Variants in PTK7 observed in about 807,000 individuals in gnomAD.
PTK7 encodes protein tyrosine kinase 7 (inactive), also known as inactive tyrosine-protein kinase 7.
A neutral mutation model predicts 116.6 loss-of-function variants in PTK7; 39 were observed. That is an observed-to-expected ratio of 0.33 (90% CI 0.26 to 0.44). The LOEUF is 0.44. Among genes scored for constraint, PTK7 ranks in the 20% least tolerant of loss-of-function variants. The pLI, the probability that PTK7 is intolerant of heterozygous loss-of-function variation, is 1.00. For synonymous variants in PTK7, 546 were observed against 563.6 expected (o/e 0.97, Z 0.44); for missense variants, 1,169 against 1,425.6 (o/e 0.82, Z 2.90).
In PTK7 at chr6:43,141,557, G is replaced by T. The variant is rs974903579; in HGVS notation, c.1619-111G>T. On this transcript the variant is annotated intron_variant, in intron 10 of 19. Transcript: ENST00000230419. The surrounding 1 kb of genome is among the most constrained non-coding windows in gnomAD (Gnocchi z 4.9). The stretch of plus-strand genomic sequence containing the variant: ...CTCAGGAGTTTGGACTTTGCCTGTG[G>T]GTGGTCAGGAGCGATGGTGTGTTTT... 2.3e-6 allele frequency: 3 copies of T among 1,317,414 alleles called. No homozygotes were observed. Among genetic ancestry groups the T allele is most frequent in the East Asian group, 2.3e-5 (1 of 42,900 alleles). 81.6% of individuals were successfully genotyped at this position (1,317,414 alleles called of 1,614,324 possible).
At chr6:43,135,130 G>A (rs1440412109) in intron 7 of PTK7, among the ~76,000 whole-genome samples, 2 of 152,188 alleles carry the variant, frequency 1.3e-5, no homozygotes, top group Non-Finnish European at 2.9e-5. Flanking sequence ...GCTTTGATCA[G>A]TCATTCCACA....
intron 1 of PTK7, among the ~76,000 whole-genome samples, chr6:43,084,061 T>C (rs1766521996): frequency 6.6e-6 from 1 of 152,166 alleles, no homozygotes; most frequent in African/African-American, 2.4e-5. Context: ...ATTTGTTAGA[T>C]TATGTTGCTG....
chr6:43,083,890 A>T (rs909810747), intron 1 of PTK7, among the ~76,000 whole-genome samples: 1 of 152,166 alleles, frequency 6.6e-6, no homozygotes, highest in East Asian at 1.9e-4. Flanking sequence ...TAGGGATTGT[A>T]AGTTACATAT....
At chr6:43,144,649 C>A in intron 15 of PTK7, 43 bp downstream of exon 15, 1 of 1,571,426 alleles carries the variant, frequency 6.4e-7, no homozygotes, top group South Asian at 1.2e-5. Context: ...AACTACAAGT[C>A]ACCCGCTGTG....
chr6:43,118,204 G>A (rs1203615996), intron 1 of PTK7, among the ~76,000 whole-genome samples: 3 of 150,886 alleles, frequency 2.0e-5, no homozygotes, highest in African/African-American at 7.3e-5. Flanking sequence ...AGTGTGGCTA[G>A]TGTGACCGAG....
At chr6:43,077,033 C>G in intron 1 of PTK7, 1 of 1,345,312 alleles carries the variant, frequency 7.4e-7, no homozygotes, top group Non-Finnish European at 9.6e-7. Context: ...ACCTGCGGCG[C>G]GCAAAGCGCG....
chr6:43,128,126 G>C (rs1451651579), intron 1 of PTK7, among the ~76,000 whole-genome samples: 4 of 152,170 alleles, frequency 2.6e-5, no homozygotes, highest in African/African-American at 9.7e-5. Context: ...TGGCACCGTC[G>C]AGGGGCATGA....
intron 1 of PTK7, among the ~76,000 whole-genome samples, chr6:43,084,499 G>A (rs923931027): frequency 2.6e-5 from 4 of 152,164 alleles, no homozygotes; most frequent in Admixed American, 2.0e-4. Flanking sequence ...TTAAGTGTGA[G>A]AACCACTGGG....
intron 17 of PTK7, among the ~76,000 whole-genome samples, chr6:43,156,470 T>C (rs1024695788): frequency 1.6e-4 from 25 of 151,860 alleles, no homozygotes; most frequent in African/African-American, 6.0e-4. Flanking sequence ...AAGGCTGGGA[T>C]TGATGGTACA....
At chr6:43,158,701 C>T (rs1771660429) in intron 17 of PTK7, 116 bp from the exon 18 acceptor site, 1 of 1,123,246 alleles carries the variant, frequency 8.9e-7, no homozygotes, top group East Asian at 2.6e-5. Context: ...TGTTGTGCTT[C>T]TGGGCTTCCT....
chr6:43,085,229 C>CTA (rs1299055965), intron 1 of PTK7, among the ~76,000 whole-genome samples: 11 of 152,288 alleles, frequency 7.2e-5, no homozygotes, highest in Non-Finnish European at 1.0e-4. Flanking sequence ...ATGGTTCTTC[C>CTA]CAGAGACTGT....
At chr6:43,133,106 T>C (rs940083978) in intron 7 of PTK7, 2 of 373,614 alleles carry the variant, frequency 5.4e-6, no homozygotes, top group African/African-American at 4.1e-5. Context: ...ATGAAGTAGA[T>C]GAAAATGATT....
chr6:43,077,065 C>T, intron 1 of PTK7: 2 of 1,280,486 alleles, frequency 1.6e-6, no homozygotes, highest in African/African-American at 1.5e-5. Context: ...CCTACGCCGA[C>T]CCGACGTTCC....
chr6:43,122,287 T>G (rs1282689791), intron 1 of PTK7, among the ~76,000 whole-genome samples: 1 of 152,138 alleles, frequency 6.6e-6, no homozygotes, highest in Non-Finnish European at 1.5e-5. Flanking sequence ...ATTCAGGGGT[T>G]GGGGAGGCAC....
intron 17 of PTK7, among the ~76,000 whole-genome samples, chr6:43,157,250 T>TGGA (rs1230645765): frequency 7.0e-6 from 1 of 142,272 alleles, no homozygotes; most frequent in Non-Finnish European, 1.5e-5. Flanking sequence ...TTCCGTTCCT[T>TGGA]GGAGGCAGCC....
chr6:43,131,074 C>CACAG (rs1294899436), intron 5 of PTK7, among the ~76,000 whole-genome samples: 1 of 147,192 alleles, frequency 6.8e-6, no homozygotes, highest in African/African-American at 2.6e-5. Context: ...CACACACACA[C>CACAG]ACACTTTTTA....
At chr6:43,114,050 G>T (rs1768348381) in intron 1 of PTK7, among the ~76,000 whole-genome samples, 1 of 152,094 alleles carries the variant, frequency 6.6e-6, no homozygotes, top group South Asian at 2.1e-4. Flanking sequence ...AGGGCTGCTG[G>T]GGCGGGTGGT....
At chr6:43,160,662 A>G in intron 19 of PTK7, 59 bp from the exon 20 acceptor site, 5 of 1,591,136 alleles carry the variant, frequency 3.1e-6, no homozygotes, top group Non-Finnish European at 4.3e-6. Context: ...AGGTCCACAA[A>G]GTGTTGAACA....
chr6:43,132,109 T>G lies in PTK7; in HGVS notation c.906T>G (p.Ile302Met). The G allele has an allele frequency of 6.2e-7, 1 of 1,614,062 alleles. No individual in the cohort carries two copies. The highest frequency in any genetic ancestry group is 8.5e-7 in the Non-Finnish European group (1 of 1,180,018). The change falls in exon 6 of 20, where the codon ATT becomes ATG. Residue 302 changes from isoleucine to methionine, a missense_variant. Around this residue, in one of 3 missense-constraint regions of PTK7, gnomAD observed 487 missense variants for 549.8 expected, o/e 0.89. Coordinates refer to ENST00000230419, the MANE Select transcript of PTK7 (RefSeq NM_002821.5). The part of the protein sequence containing the change: ...RPRNAGIYRC[I>M]GQGQRGPPII... The stretch of plus-strand genomic sequence containing the variant: ...GCAATGCAGGGATCTACCGCTGCAT[T>G]GGCCAGGGGCAGAGGGGCCCACCCA...
Sources: gnomAD v4.1 joint callset for allele counts (sites outside exome capture counted in the v4.1 genomes callset) on GRCh38, gnomAD v4.1.1 for gene constraint, gnomAD v4.1.1 regional missense constraint, Gnocchi (gnomAD v3.1) non-coding constraint, MANE v1.5 for transcripts, NCBI Gene and HGNC (gene_info 2026-07-23, HGNC 2026-07-21) for gene names.